Variants in ZNF385B observed in about 807,000 individuals in gnomAD.
ZNF385B encodes the protein zinc finger protein 533.
A neutral mutation model predicts 39.2 loss-of-function variants in ZNF385B; 23 were observed. That is an observed-to-expected ratio of 0.59 (90% CI 0.42 to 0.83). The LOEUF (loss-of-function observed/expected upper bound fraction) is 0.83, where lower values mean the gene tolerates loss of function less well. ZNF385B is among the 40% of genes least tolerant of loss of function. ZNF385B has a pLI of 0.00. For synonymous variants in ZNF385B, 205 were observed against 222.6 expected, an observed-to-expected ratio of 0.92 and a Z score of 0.70; for missense variants, 552 against 598.9, an observed-to-expected ratio of 0.92 and a Z score of 0.82.
At chr2:179,830,968 A>G (rs1019866795) in intron 1 of ZNF385B, among the ~76,000 whole-genome samples, 1 of 152,228 alleles carries the variant, frequency 6.6e-6, no homozygotes, top group Non-Finnish European at 1.5e-5. Flanking sequence ...GGGAGTACAG[A>G]AGAACTCTCT....
intron 1 of ZNF385B, among the ~76,000 whole-genome samples, chr2:179,838,905 T>A: frequency 7.1e-6 from 1 of 141,724 alleles, no homozygotes; most frequent in African/African-American, 2.6e-5. Flanking sequence ...TAAATATGAG[T>A]TATTACTGTA....
intron 3 of ZNF385B, among the ~76,000 whole-genome samples, chr2:179,603,958 T>C (rs1235417327): frequency 6.6e-6 from 1 of 152,188 alleles, no homozygotes; most frequent in Non-Finnish European, 1.5e-5. Flanking sequence ...ATTTATTCAA[T>C]ACACAGAAGA....
At chr2:179,677,726 T>G (rs1697027892) in intron 3 of ZNF385B, among the ~76,000 whole-genome samples, 1 of 152,204 alleles carries the variant, frequency 6.6e-6, no homozygotes, top group Non-Finnish European at 1.5e-5. Context: ...CATGCCTTCA[T>G]TTATATGTTT....
intron 3 of ZNF385B, among the ~76,000 whole-genome samples, chr2:179,718,303 G>C (rs7584651): frequency 0.31 from 46,345 of 148,954 alleles, 7,509 homozygotes; most frequent in East Asian, 0.5. Flanking sequence ...AAAGTGTTTT[G>C]CTTACTTTAT....
At position 179,822,590 on chromosome 2, in the gene ZNF385B, A is replaced by C. The variant is rs138893255; in HGVS notation, c.-155+38511T>G. ...CATTTGCACTGTGAATGTCATCTCC[A>C]CATCATGAACCTAAAGACCCTCCCT... On this transcript the variant is annotated intron_variant, in intron 1 of 9. Transcript: ENST00000410066. 4.7e-4 allele frequency among the ~76,000 whole-genome samples: 72 copies of C among 152,310 alleles called. No homozygotes were observed. In the East Asian group the frequency reaches 0.013, roughly 28 times the overall value.
intron 1 of ZNF385B, among the ~76,000 whole-genome samples, chr2:179,818,881 G>A: frequency 6.6e-6 from 1 of 152,100 alleles, no homozygotes; most frequent in Non-Finnish European, 1.5e-5. Context: ...GTCCAGGGGA[G>A]CTGCTCTTCC....
chr2:179,629,867 C>T (rs1249950849), intron 3 of ZNF385B, among the ~76,000 whole-genome samples: 7 of 152,262 alleles, frequency 4.6e-5, no homozygotes, highest in African/African-American at 1.7e-4. Flanking sequence ...GATTCTCTAC[C>T]ATGCCTGGCT....
chr2:179,623,590 C>T (rs901447028), intron 3 of ZNF385B, among the ~76,000 whole-genome samples: 2 of 152,096 alleles, frequency 1.3e-5, no homozygotes, highest in East Asian at 1.9e-4. Flanking sequence ...CTCCAAGATA[C>T]GGTCGGGGCA....
Position 179,450,837 on chromosome 2 carries a change from C to T in ZNF385B, c.716-4067G>A, listed in dbSNP as rs186953749. On this transcript the variant is annotated intron_variant, in intron 6 of 9. Coordinates refer to ENST00000410066, the MANE Select transcript of ZNF385B (RefSeq NM_152520.6). Reference sequence around the variant, plus strand: ...GTGGCACTATTCACAATAGCAAAGACTTGGAACCAACCTAAATGTCCAACA... The same window carrying T: ...GTGGCACTATTCACAATAGCAAAGATTTGGAACCAACCTAAATGTCCAACA... Among the ~76,000 whole-genome samples the T allele has an allele frequency of 2.9e-3, 438 of 152,150 alleles. 1 individual carries two copies. The highest frequency in any genetic ancestry group is 0.01 in the African/African-American group (417 of 41,486).
In ZNF385B at chr2:179,483,267, T is replaced by A. The variant is rs1482088835; in HGVS notation, c.715+5A>T. 4 of 1,613,652 alleles carry A rather than the reference T, an allele frequency of 2.5e-6. No individual in the cohort carries two copies. The highest frequency in any genetic ancestry group is 3.4e-6 in the Non-Finnish European group (4 of 1,179,832). On this transcript the variant is annotated splice_donor_5th_base_variant and intron_variant, in intron 6 of 9. Transcript: ENST00000410066. ...AGAATGTAAAGAACAAAAAGTGTCATTGACCTGATTTGTCAGAGTTGTTGC... is the reference window on the plus strand; with the variant it reads ...AGAATGTAAAGAACAAAAAGTGTCAATGACCTGATTTGTCAGAGTTGTTGC...
chr2:179,691,604 T>TCATCG (rs968792130), intron 3 of ZNF385B, among the ~76,000 whole-genome samples: 1 of 152,216 alleles, frequency 6.6e-6, no homozygotes, highest in African/African-American at 2.4e-5. Flanking sequence ...TTTATTTTCC[T>TCATCG]CATCGCATAT....
intron 5 of ZNF385B, among the ~76,000 whole-genome samples, chr2:179,483,726 C>T (rs981729029): frequency 6.6e-6 from 1 of 152,172 alleles, no homozygotes; most frequent in Non-Finnish European, 1.5e-5. Context: ...GTCATCAGTG[C>T]CCTCCCACCA....
intron 3 of ZNF385B, among the ~76,000 whole-genome samples, chr2:179,613,329 GAATGT>G (rs1219409359): frequency 6.6e-6 from 1 of 152,132 alleles, no homozygotes; most frequent in Admixed American, 6.5e-5. Flanking sequence ...CCACAGCTGG[GAATGT>G]AATGGATCAC....
chr2:179,688,601 T>C (rs1698113695), intron 3 of ZNF385B, among the ~76,000 whole-genome samples: 1 of 152,188 alleles, frequency 6.6e-6, no homozygotes, highest in Non-Finnish European at 1.5e-5. Context: ...CTGTGCCAAA[T>C]GTGTCCTGGA....
chr2:179,571,364 A>G (rs1685194187), intron 3 of ZNF385B, among the ~76,000 whole-genome samples: 1 of 152,204 alleles, frequency 6.6e-6, no homozygotes, highest in Admixed American at 6.6e-5. Flanking sequence ...TGATCTATTG[A>G]GCATTTACTT....
At chr2:179,854,549 T>C (rs987845371) in intron 1 of ZNF385B, among the ~76,000 whole-genome samples, 2 of 151,996 alleles carry the variant, frequency 1.3e-5, no homozygotes, top group Non-Finnish European at 2.9e-5. Context: ...TAAGAGGAAT[T>C]TGAAGCTGAG....
chr2:179,464,856 C>A (rs13024531), intron 6 of ZNF385B, among the ~76,000 whole-genome samples: 41,392 of 151,778 alleles, frequency 0.27, 5,996 homozygotes, highest in East Asian at 0.45. Flanking sequence ...AAACCTCTTT[C>A]CTATAGCTTC....
Position 179,537,768 on chromosome 2 carries a change from A to AAAAC in ZNF385B, c.441+7058_441+7059insGTTT, listed in dbSNP as rs1553602348. 3.7e-3 allele frequency among the ~76,000 whole-genome samples: 256 copies of AAAAC among 68,792 alleles called. 1 individual carries two copies. Among genetic ancestry groups the AAAAC allele is most frequent in the Non-Finnish European group, 5.9e-3 (200 of 33,908 alleles). The allele number at this position is 68,792 out of a possible 152,430, so 45.1% of individuals were successfully genotyped here. The stretch of plus-strand genomic sequence containing the variant: ...AAACAAACAAACAAACAAACAAACA[A>AAAAC]AAAAAAAAATTAATAGAAATGTAAA... On this transcript the variant is annotated intron_variant, in intron 4 of 9. Coordinates refer to ENST00000410066, the MANE Select transcript of ZNF385B (RefSeq NM_152520.6).
At chr2:179,593,745 A>G (rs1192223010) in intron 3 of ZNF385B, among the ~76,000 whole-genome samples, 11 of 152,178 alleles carry the variant, frequency 7.2e-5, no homozygotes, top group Admixed American at 7.2e-4. Flanking sequence ...CCTTTAACTC[A>G]TCCAAGTTAT....
Sources: allele counts gnomAD v4.1 joint callset (sites outside exome capture counted in the v4.1 genomes callset), GRCh38; gene constraint gnomAD v4.1.1; transcripts MANE v1.5; gene names NCBI Gene and HGNC (gene_info 2026-07-23, HGNC 2026-07-21).